Variants in DMD observed in about 807,000 individuals in gnomAD.
DMD encodes the protein dystrophin.
Under a neutral mutation model 330.1 loss-of-function variants are expected in DMD, and 63 were observed. That is an observed-to-expected ratio of 0.19 (90% CI 0.16 to 0.24). The LOEUF (loss-of-function observed/expected upper bound fraction) is 0.24, where lower values mean the gene tolerates loss of function less well. Ranked by LOEUF, DMD falls within the 10% of genes least tolerant of loss-of-function variation. The pLI, the probability that DMD is intolerant of heterozygous loss-of-function variation, is 1.00. For missense variants in DMD, 3,344 were observed against 2,684.1 expected (o/e 1.25, Z -5.43); for synonymous variants, 1,223 against 959.8 (o/e 1.27, Z -5.07).
chrX:31,646,833 C>T (rs757864192), intron 54 of DMD, among the ~76,000 whole-genome samples: 2 of 112,270 alleles, frequency 1.8e-5, no homozygotes, highest in African/African-American at 3.2e-5. Context: ...GAGGCCGCAA[C>T]GCACTGCAGG....
intron 62 of DMD, among the ~76,000 whole-genome samples, chrX:31,294,944 C>T (rs768092394): frequency 8.9e-6 from 1 of 111,936 alleles, no homozygotes; most frequent in African/African-American, 3.3e-5. Flanking sequence ...AGTGTAAACT[C>T]GGAATTGAAT....
chrX:32,632,793 T>G (rs1055080605), intron 11 of DMD, among the ~76,000 whole-genome samples: 22 of 112,230 alleles, frequency 2.0e-4, no homozygotes, highest in Middle Eastern at 4.6e-3. Context: ...GCTGGGACCC[T>G]GGGCCTGGCC....
chrX:31,744,717 C>T (rs2087678627), intron 51 of DMD, among the ~76,000 whole-genome samples: 1 of 112,286 alleles, frequency 8.9e-6, no homozygotes, highest in African/African-American at 3.2e-5. Context: ...ACATACTCCT[C>T]CTAATTTTGC....
chrX:31,989,527 A>C (rs188223866), intron 44 of DMD, among the ~76,000 whole-genome samples: 1 of 111,478 alleles, frequency 9.0e-6, no homozygotes, highest in Non-Finnish European at 1.9e-5. Flanking sequence ...ACAGACCTGG[A>C]GCAGTTATTT....
At chrX:33,335,125 T>C in intron 1 of DMD, among the ~76,000 whole-genome samples, 1 of 110,419 alleles carries the variant, frequency 9.1e-6, no homozygotes, top group Non-Finnish European at 1.9e-5. Context: ...GCCCCTCAAA[T>C]GTTATAGTTT....
chrX:31,903,967 A>C (rs1278205535), intron 47 of DMD, among the ~76,000 whole-genome samples: 3 of 112,080 alleles, frequency 2.7e-5, no homozygotes, highest in Non-Finnish European at 5.6e-5. Context: ...TATAAAAAAT[A>C]AAACACCATA....
chrX:32,735,595 C>G (rs990306335), intron 7 of DMD, among the ~76,000 whole-genome samples: 1 of 110,610 alleles, frequency 9.0e-6, no homozygotes. Flanking sequence ...AGAACAGAGC[C>G]CTCAGAAATA....
rs1557064304 is a variant in DMD, at chrX:32,013,093, C to CTATTTTTTTTTTTTTT, written c.6439-44580_6439-44579insAAAAAAAAAAAAAATA. The stretch of plus-strand genomic sequence containing the variant: ...GGAAATTAATCTTTTCTTTTCTTTC[C>CTATTTTTTTTTTTTTT]TTTTTTTTTTTTTGAGATGGAATCT... On this transcript the variant is annotated intron_variant, in intron 44 of 78. Transcript: ENST00000357033. Among the ~76,000 whole-genome samples the CTATTTTTTTTTTTTTT allele has an allele frequency of 4.7e-3, 288 of 61,136 alleles. 13 individuals carry two copies. The highest frequency in any genetic ancestry group is 0.018 in the African/African-American group (222 of 12,303). The allele number at this position is 61,136 out of a possible 115,157, so 53.1% of individuals were successfully genotyped here.
chrX:32,436,967 T>A lies in DMD; in HGVS notation c.4071+1274A>T, dbSNP rs1009017423. Among the ~76,000 whole-genome samples, 15 of 107,509 alleles carry A rather than the reference T, an allele frequency of 1.4e-4. No homozygotes were observed. The South Asian group carries it at 2.0e-3, about 14-fold the overall frequency. 93.4% of individuals were successfully genotyped at this position (107,509 alleles called of 115,157 possible). On this transcript the variant is annotated intron_variant, in intron 29 of 78. Transcript: ENST00000357033. ...GACCCTGTCTTTAAAAAAAAAAAAA[T>A]TTGAGTCTTTTCACAGCTAAGCCAA...
chrX:32,250,379 T>C (rs1468118420), intron 43 of DMD, among the ~76,000 whole-genome samples: 1 of 112,181 alleles, frequency 8.9e-6, no homozygotes, highest in Admixed American at 9.5e-5. Flanking sequence ...CCTCACTCTC[T>C]TTTTAGCTAA....
intron 30 of DMD, among the ~76,000 whole-genome samples, chrX:32,405,974 T>C (rs2098114928): frequency 9.0e-6 from 1 of 111,166 alleles, no homozygotes; most frequent in African/African-American, 3.3e-5. Context: ...TCACATCCCT[T>C]GTAAGTTGGA....
At chrX:32,548,456 A>T (rs2049192118) in intron 16 of DMD, among the ~76,000 whole-genome samples, 1 of 112,013 alleles carries the variant, frequency 8.9e-6, no homozygotes, top group Admixed American at 9.5e-5. Flanking sequence ...GGGTCTTTCT[A>T]ACAGTAACTT....
At chrX:31,536,838 G>T (rs1261304495) in intron 55 of DMD, among the ~76,000 whole-genome samples, 2 of 110,799 alleles carry the variant, frequency 1.8e-5, no homozygotes, top group Non-Finnish European at 3.8e-5. Flanking sequence ...AATTTCTCCT[G>T]CATCCTCAAC....
In DMD at chrX:32,463,590, A is replaced by G. The variant is rs876657778; in HGVS notation, c.3281T>C (p.Leu1094Ser). The G allele has an allele frequency of 1.3e-5, 15 of 1,135,330 alleles. No individual in the cohort carries two copies. The African/African-American group carries it at 2.2e-4, about 16-fold the overall frequency. 93.6% of individuals were successfully genotyped at this position (1,135,330 alleles called of 1,213,427 possible). The change falls in exon 25 of 79, where the codon TTA becomes TCA. Residue 1094 changes from leucine to serine, a missense_variant. Coordinates refer to ENST00000357033, the MANE Select transcript of DMD (RefSeq NM_004006.3). ...CTGAATTGTCTGAATATCACTGACT[A>G]AAAGCTAAGAAAATAAATCAATTTA... Reference protein sequence around the residue: ...LKKQLKQCRLLVSDIQTIQPS... With the variant: ...LKKQLKQCRLSVSDIQTIQPS...
chrX:32,071,451 T>G (rs12398650), intron 44 of DMD, among the ~76,000 whole-genome samples: 45,366 of 92,914 alleles, frequency 0.49, 9,747 homozygotes, highest in Middle Eastern at 0.72. Flanking sequence ...AGGTGGGAAT[T>G]GAACAATGAG....
chrX:32,528,905 CTTTTT>C (rs35476358), intron 17 of DMD, among the ~76,000 whole-genome samples: 11 of 59,843 alleles, frequency 1.8e-4, no homozygotes, highest in Admixed American at 4.5e-4. Context: ...CAATGTATTT[CTTTTT>C]TTTTTTTTTT....
chrX:31,195,644 G>C (rs2042789484), intron 67 of DMD, among the ~76,000 whole-genome samples: 1 of 109,509 alleles, frequency 9.1e-6, no homozygotes, highest in Non-Finnish European at 1.9e-5. Flanking sequence ...CAGAGATTGG[G>C]ACTTAGTGAG....
chrX:32,505,774 G>A (rs770473832), intron 18 of DMD, among the ~76,000 whole-genome samples: 2 of 111,852 alleles, frequency 1.8e-5, no homozygotes, highest in African/African-American at 3.3e-5. Context: ...GTAGATGAAT[G>A]GATAAATAAA....
chrX:31,447,628 T>C (rs2065383769), intron 59 of DMD, among the ~76,000 whole-genome samples: 1 of 111,420 alleles, frequency 9.0e-6, no homozygotes, highest in Non-Finnish European at 1.9e-5. Flanking sequence ...CCAAATACTC[T>C]GGAGAGTTGC....
Sources: gnomAD v4.1 joint callset for allele counts (sites outside exome capture counted in the v4.1 genomes callset) on GRCh38, gnomAD v4.1.1 for gene constraint, MANE v1.5 for transcripts, NCBI Gene and HGNC (gene_info 2026-07-23, HGNC 2026-07-21) for gene names.